NAV2: variants seen among roughly 807,000 people sequenced by gnomAD.
NAV2 encodes helicase, APC down-regulated 1.
NAV2 carries 54 observed loss-of-function variants against 223.2 expected under a neutral mutation model. The ratio of observed to expected loss-of-function variants is 0.24; its 90% CI spans 0.19 to 0.30. NAV2 has a LOEUF of 0.30. NAV2 is among the 10% of genes least tolerant of loss of function. The probability of loss-of-function intolerance (pLI) is 1.00; values close to 1 mark genes in which losing one functional copy is unlikely to be tolerated. For synonymous variants in NAV2, 1,279 were observed against 1,239.3 expected, an observed-to-expected ratio of 1.03 and a Z score of -0.67; for missense variants, 2,806 against 3,147.5, an observed-to-expected ratio of 0.89 and a Z score of 2.60.
chr11:19,769,448 T>G (rs1228416891), intron 1 of NAV2, among the ~76,000 whole-genome samples: 1 of 152,224 alleles, frequency 6.6e-6, no homozygotes, highest in Non-Finnish European at 1.5e-5. Context: ...TCTGGACTTT[T>G]GGATAGAGGG....
In NAV2 at chr11:20,083,204, A is replaced by T. The variant is rs1315546117; in HGVS notation, c.5498+25A>T. 9.4e-6 allele frequency: 15 copies of T among 1,594,124 alleles called. No individual in the cohort carries two copies. The Admixed American group carries it at 2.6e-4, about 27-fold the overall frequency. On this transcript the variant is annotated intron_variant, in intron 26 of 37. Transcript: ENST00000349880. ...TGTAAGTCTGTCTGTCTAGTCAGAT[A>T]ACATCTTTGGCCCCTGAGAACCTTC...
chr11:19,737,302 A>G (rs1218320215), intron 1 of NAV2, among the ~76,000 whole-genome samples: 3 of 152,232 alleles, frequency 2.0e-5, no homozygotes, highest in Non-Finnish European at 2.9e-5. Context: ...GTGAATCTAC[A>G]TATTATACAC....
intron 10 of NAV2, 136 bp from the exon 11 acceptor site, chr11:19,983,989 G>A: frequency 8.9e-7 from 1 of 1,120,418 alleles, no homozygotes; most frequent in Admixed American, 1.8e-5. Context: ...TGTGATCAGT[G>A]CCAGAGCCTC....
chr11:19,602,381 T>C (rs2046372110), intron 1 of NAV2, among the ~76,000 whole-genome samples: 1 of 152,162 alleles, frequency 6.6e-6, no homozygotes, highest in East Asian at 1.9e-4. Context: ...TTTCACTATG[T>C]TGGCCAGGCT....
chr11:20,049,378 A>G (rs2057758326), intron 15 of NAV2, 183 bp downstream of exon 15: 2 of 584,454 alleles, frequency 3.4e-6, no homozygotes, highest in African/African-American at 3.8e-5. Flanking sequence ...GCTCCCTGTT[A>G]TCTTTTCCTC....
chr11:19,625,096 C>T (rs574489850), intron 1 of NAV2, among the ~76,000 whole-genome samples: 25 of 152,184 alleles, frequency 1.6e-4, no homozygotes, highest in South Asian at 1.0e-3. Context: ...CCTAGCTAAC[C>T]GAAACTATAT....
At chr11:19,741,621 A>G (rs973300350) in intron 1 of NAV2, among the ~76,000 whole-genome samples, 1 of 147,624 alleles carries the variant, frequency 6.8e-6, no homozygotes, top group African/African-American at 2.5e-5. Flanking sequence ...TGCAAATGGC[A>G]TGATTTCCTT....
intron 1 of NAV2, among the ~76,000 whole-genome samples, chr11:19,380,111 C>A (rs1304352288): frequency 6.6e-6 from 1 of 152,130 alleles, no homozygotes; most frequent in African/African-American, 2.4e-5. Context: ...TTATTGTTGC[C>A]ATGTTACTTG....
chr11:19,926,340 G>C (rs1249992574), intron 6 of NAV2, among the ~76,000 whole-genome samples: 1 of 152,106 alleles, frequency 6.6e-6, no homozygotes, highest in African/African-American at 2.4e-5. Context: ...TCCATTCTTT[G>C]TTTGTCCTCG....
chr11:19,369,062 TAACGCAC>T (rs1405621208), intron 1 of NAV2, among the ~76,000 whole-genome samples: 1 of 152,244 alleles, frequency 6.6e-6, no homozygotes, highest in Non-Finnish European at 1.5e-5. Context: ...AAGCAGATTG[TAACGCAC>T]ATCTAAATAG....
chr11:20,012,394 G>A (rs1446844989), intron 11 of NAV2, among the ~76,000 whole-genome samples: 1 of 152,122 alleles, frequency 6.6e-6, no homozygotes, highest in Non-Finnish European at 1.5e-5. Flanking sequence ...ACCCACTCAT[G>A]GCCGGGCACA....
At chr11:19,804,254 C>T (rs975642544) in intron 1 of NAV2, among the ~76,000 whole-genome samples, 5 of 152,190 alleles carry the variant, frequency 3.3e-5, no homozygotes, top group Middle Eastern at 3.2e-3. Flanking sequence ...TCAATTACAA[C>T]GTCACCAAAC....
rs1555083782 is a variant in NAV2, at chr11:19,831,230, G to GC, written c.268-1254_268-1253insC. Among the ~76,000 whole-genome samples the GC allele has an allele frequency of 3.7e-4, 33 of 89,790 alleles. 5 individuals are homozygous for GC. The highest frequency in any genetic ancestry group is 6.7e-4 in the Admixed American group (7 of 10,406). 58.9% of individuals were successfully genotyped at this position (89,790 alleles called of 152,430 possible). The stretch of plus-strand genomic sequence containing the variant: ...CCCATTCCAGGAGTGTTGCGGGGGG[G>GC]GGGGGGGCGCGATGGGGAGTGGGGG... On this transcript the variant is annotated intron_variant, in intron 1 of 37. Coordinates refer to ENST00000349880, the MANE Select transcript of NAV2 (RefSeq NM_145117.5).
At chr11:19,628,807 C>G (rs780524148) in intron 1 of NAV2, among the ~76,000 whole-genome samples, 3 of 152,166 alleles carry the variant, frequency 2.0e-5, no homozygotes, top group Non-Finnish European at 4.4e-5. Context: ...GGTCCCCTAC[C>G]CTTCTAGTCT....
intron 10 of NAV2, among the ~76,000 whole-genome samples, chr11:19,959,818 G>A (rs140377351): frequency 2.6e-5 from 4 of 152,158 alleles, no homozygotes; most frequent in African/African-American, 7.2e-5. Flanking sequence ...ACCGTGCTGG[G>A]CGAGAGAAGC....
intron 1 of NAV2, among the ~76,000 whole-genome samples, chr11:19,462,836 G>T (rs1168219247): frequency 6.6e-6 from 1 of 152,196 alleles, no homozygotes; most frequent in African/African-American, 2.4e-5. Context: ...ATACGTGCGT[G>T]CTAGGGTTCA....
chr11:19,681,224 T>G (rs2048873027), intron 1 of NAV2, among the ~76,000 whole-genome samples: 1 of 152,240 alleles, frequency 6.6e-6, no homozygotes, highest in South Asian at 2.1e-4. Context: ...GACCTGGCAG[T>G]CCTTCTTCAT....
At position 19,868,888 on chromosome 11, in the gene NAV2, C is replaced by T. The variant is rs779903595; in HGVS notation, c.439-37C>T. 8 of 1,602,178 alleles carry T rather than the reference C, an allele frequency of 5.0e-6. No individual in the cohort carries two copies. In the Admixed American group the frequency reaches 8.4e-5, roughly 17 times the overall value. On this transcript the variant is annotated intron_variant, in intron 3 of 37. Transcript: ENST00000349880. ...AAGAGATGGCTCTGGAGAGGCTGAA[C>T]ATTTATTAAGTATATATTGTTGTTT...
chr11:19,455,166 C>T (rs1851919439), intron 1 of NAV2, among the ~76,000 whole-genome samples: 1 of 152,094 alleles, frequency 6.6e-6, no homozygotes, highest in Non-Finnish European at 1.5e-5. Context: ...CAGGTTGGGT[C>T]AGGTAACTGC....
Sources: allele counts gnomAD v4.1 joint callset (sites outside exome capture counted in the v4.1 genomes callset), GRCh38; gene constraint gnomAD v4.1.1; transcripts MANE v1.5; gene names NCBI Gene and HGNC (gene_info 2026-07-23, HGNC 2026-07-21).